The following PTPRC variants were observed in gnomAD, a reference collection of about 807,000 sequenced individuals.
The protein encoded by PTPRC is protein tyrosine phosphatase receptor type C, also known as receptor-type tyrosine-protein phosphatase C.
Under a neutral mutation model 155.9 loss-of-function variants are expected in PTPRC, and 44 were observed. The observed-to-expected ratio is 0.28, with a 90% CI of 0.22 to 0.36. The LOEUF (loss-of-function observed/expected upper bound fraction) is 0.36. PTPRC is among the 10% of genes least tolerant of loss of function. The pLI, the probability that PTPRC is intolerant of heterozygous loss-of-function variation, is 1.00. For missense variants in PTPRC, 1,401 were observed against 1,564.6 expected (o/e 0.90, Z 1.76); for synonymous variants, 525 against 533.1 (o/e 0.98, Z 0.21).
At chr1:198,715,463 A>T (rs895756436) in intron 12 of PTPRC, among the ~76,000 whole-genome samples, 1 of 151,966 alleles carries the variant, frequency 6.6e-6, no homozygotes, top group Admixed American at 6.5e-5. Context: ...TATCTCGTTA[A>T]CTTAATGATG....
At position 198,742,347 on chromosome 1, in the gene PTPRC, T is replaced by C; in HGVS notation, c.2677T>C (p.Cys893Arg). The change falls in exon 25 of 33, where the codon TGC becomes CGC. Residue 893 changes from cysteine (C) to arginine (R), a missense_variant. Physicochemically the swap from Cys to Arg is radical, Grantham distance 180 (BLOSUM62 -3). Around this residue, in one of 3 missense-constraint regions of PTPRC, gnomAD observed 134 missense variants for 204.7 expected, o/e 0.65. Coordinates refer to ENST00000442510, the MANE Select transcript of PTPRC (RefSeq NM_002838.5). ...TGTTGTCAAGCTAAGGCGACAGAGA[T>C]GCCTGATGGTTCAAGTAGAGGTATG... Reference protein sequence around the residue: ...GYVVKLRRQRCLMVQVEAQYI... With the variant: ...GYVVKLRRQRRLMVQVEAQYI... 1 of 1,612,142 alleles carries C rather than the reference T, an allele frequency of 6.2e-7. No individual in the cohort carries two copies. Among genetic ancestry groups the C allele is most frequent in the Non-Finnish European group, 8.5e-7 (1 of 1,178,734 alleles).
At chr1:198,697,031 G>A in intron 4 of PTPRC, 122 bp downstream of exon 4, 1 of 965,188 alleles carries the variant, frequency 1.0e-6, no homozygotes, top group Non-Finnish European at 1.7e-6. Flanking sequence ...TTTTATTCAA[G>A]TGCAGAAATT....
intron 13 of PTPRC, among the ~76,000 whole-genome samples, chr1:198,717,444 A>G (rs991756099): frequency 6.6e-6 from 1 of 152,184 alleles, no homozygotes; most frequent in Non-Finnish European, 1.5e-5. Context: ...CATCGAGGAC[A>G]GGGAAGAAGA....
At chr1:198,742,725 G>C (rs1654961166) in intron 25 of PTPRC, among the ~76,000 whole-genome samples, 1 of 151,812 alleles carries the variant, frequency 6.6e-6, no homozygotes. Flanking sequence ...GCTGGTTTTA[G>C]AAACTACACT....
At chr1:198,674,504 T>A (rs907236853) in intron 2 of PTPRC, among the ~76,000 whole-genome samples, 3 of 147,690 alleles carry the variant, frequency 2.0e-5, no homozygotes, top group African/African-American at 7.5e-5. Context: ...TAATAACATA[T>A]AATAATATAT....
Position 198,741,985 on chromosome 1 carries a change from C to T in PTPRC, c.2520C>T (p.Ala840=), listed in dbSNP as rs761821031. ...LLLKLRRRVN[A]FSNFFSGPIV... is the part of the protein sequence containing the mutation. ...TCAAACTGAGAAGGAGAGTGAATGCCTTCAGCAATTTCTTCAGTGGTCCCA... is the reference window on the plus strand; with the variant it reads ...TCAAACTGAGAAGGAGAGTGAATGCTTTCAGCAATTTCTTCAGTGGTCCCA... The change falls in exon 24 of 33, where the codon GCC becomes GCT. Residue 840 remains alanine, a synonymous_variant. Coordinates refer to ENST00000442510, the MANE Select transcript of PTPRC (RefSeq NM_002838.5). The T allele has an allele frequency of 6.2e-7, 1 of 1,611,680 alleles. No homozygotes were observed. The highest frequency in any genetic ancestry group is 1.3e-5 in the African/African-American group (1 of 74,648).
At chr1:198,705,450 T>C (rs1346085611) in intron 8 of PTPRC, among the ~76,000 whole-genome samples, 2 of 147,198 alleles carry the variant, frequency 1.4e-5, no homozygotes, top group Non-Finnish European at 1.5e-5. Context: ...TTTTTTTTTC[T>C]CACTCTGTTG....
chr1:198,646,059 T>A (rs76154350), intron 2 of PTPRC, among the ~76,000 whole-genome samples: 3,913 of 151,930 alleles, frequency 0.026, 193 homozygotes, highest in East Asian at 0.19. Flanking sequence ...TCAACTTTTA[T>A]GAAAACAAAT....
intron 3 of PTPRC, 169 bp downstream of exon 3, chr1:198,692,542 A>G (rs1665985281): frequency 9.3e-7 from 1 of 1,079,950 alleles, no homozygotes; most frequent in Admixed American, 4.2e-5. Context: ...CTTATACGTT[A>G]TAGAGTTTAA....
intron 2 of PTPRC, among the ~76,000 whole-genome samples, chr1:198,640,617 A>G (rs557472760): frequency 6.6e-6 from 1 of 152,162 alleles, no homozygotes; most frequent in African/African-American, 2.4e-5. Flanking sequence ...TGATAATAAA[A>G]AGTAAATTAT....
intron 28 of PTPRC, among the ~76,000 whole-genome samples, chr1:198,749,862 C>T (rs957817913): frequency 6.6e-6 from 1 of 151,700 alleles, no homozygotes; most frequent in African/African-American, 2.4e-5. Flanking sequence ...AATGTTTATA[C>T]ATACTCAGAT....
chr1:198,730,267 T>A (rs1157613903), intron 17 of PTPRC, among the ~76,000 whole-genome samples: 1 of 152,158 alleles, frequency 6.6e-6, no homozygotes. Flanking sequence ...GTACCAGGTC[T>A]CTATGCAGAA....
rs1039758585 is a variant in PTPRC, at chr1:198,741,865, C to T, written c.2404-4C>T. On this transcript the variant is annotated splice_polypyrimidine_tract_variant and splice_region_variant and intron_variant, in intron 23 of 32. Coordinates refer to ENST00000442510, the MANE Select transcript of PTPRC (RefSeq NM_002838.5). The stretch of plus-strand genomic sequence containing the variant: ...TCTCAAAGAAAATATTATCTCTTGA[C>T]TAGAAAAAAGAAAAAGCAACTGGAA... 7 of 1,610,804 alleles carry T rather than the reference C, an allele frequency of 4.3e-6. No homozygotes were observed. The highest frequency in any genetic ancestry group is 5.9e-6 in the Non-Finnish European group (7 of 1,178,232).
At chr1:198,708,595 T>G (rs1282697414) in intron 10 of PTPRC, among the ~76,000 whole-genome samples, 1 of 152,156 alleles carries the variant, frequency 6.6e-6, no homozygotes, top group Non-Finnish European at 1.5e-5. Flanking sequence ...AGAAGGGTGT[T>G]ATAAGGAAAT....
rs1334695980 is a variant in PTPRC at position 198,728,398 on chromosome 1, C to T, written c.1779C>T (p.Ala593=). ...LAFLIIVTSI[A]LLVVLYKIYD... ...TTCTGATTATTGTGACATCAATAGC[C>T]CTGCTTGTTGTTCTCTACAAAATCT... The change falls in exon 16 of 33, where the codon GCC becomes GCT. Residue 593 remains alanine, a synonymous_variant. Transcript: ENST00000442510. 6.2e-7 allele frequency: 1 copy of T among 1,612,834 alleles called. No individual in the cohort carries two copies. The highest frequency in any genetic ancestry group is 8.5e-7 in the Non-Finnish European group (1 of 1,179,530).
intron 2 of PTPRC, among the ~76,000 whole-genome samples, chr1:198,671,654 G>A (rs1664654851): frequency 6.6e-6 from 1 of 152,144 alleles, no homozygotes; most frequent in Non-Finnish European, 1.5e-5. Flanking sequence ...CTTCCAACTA[G>A]TATCCCACTG....
At chr1:198,753,473 A>T (rs1214183328) in intron 31 of PTPRC, among the ~76,000 whole-genome samples, 2 of 152,062 alleles carry the variant, frequency 1.3e-5, no homozygotes, top group Non-Finnish European at 2.9e-5. Flanking sequence ...AAAATGAGAA[A>T]TGTTTATCTA....
Position 198,742,052 on chromosome 1 carries a change from A to C in PTPRC, c.2561+26A>C, listed in dbSNP as rs1558034447. The C allele has an allele frequency of 2.5e-6, 4 of 1,607,260 alleles. No individual in the cohort carries two copies. In the South Asian group the frequency reaches 3.3e-5, roughly 13 times the overall value. ...GTAGGAAAAACGAACAAAAAAAAAA[A>C]ACAACAACAAAAAAACTCCAACAGA... is the stretch of plus-strand genomic sequence containing the variant. On this transcript the variant is annotated intron_variant, in intron 24 of 32. Transcript: ENST00000442510.
chr1:198,680,170 T>C (rs1029549555), intron 2 of PTPRC: 2 of 384,418 alleles, frequency 5.2e-6, no homozygotes, highest in African/African-American at 4.2e-5. Flanking sequence ...AAAAATATTA[T>C]TAAAGGCTTC....
Sources: allele counts gnomAD v4.1 joint callset (sites outside exome capture counted in the v4.1 genomes callset), GRCh38; gene constraint gnomAD v4.1.1; regional missense constraint gnomAD v4.1.1; transcripts MANE v1.5; gene names NCBI Gene and HGNC (gene_info 2026-07-23, HGNC 2026-07-21).